The following CCDC6 variants were observed in gnomAD, a reference collection of about 807,000 sequenced individuals.
CCDC6 encodes the protein coiled-coil domain containing 6.
A neutral mutation model predicts 56.6 loss-of-function variants in CCDC6; 20 were observed. That is an observed-to-expected ratio of 0.35 (90% CI 0.25 to 0.51). CCDC6 has a LOEUF of 0.51. CCDC6 is among the 20% of genes least tolerant of loss of function. The pLI is 0.95. For missense variants in CCDC6, 367 were observed against 601.1 expected (o/e 0.61, Z 4.07); for synonymous variants, 241 against 234.4 (o/e 1.03, Z -0.26).
chr10:59,852,569 G>C lies in CCDC6; in HGVS notation c.437C>G (p.Ser146Cys). 1 of 1,582,754 alleles carries C rather than the reference G, an allele frequency of 6.3e-7. No homozygotes were observed. Among genetic ancestry groups the C allele is most frequent in the Non-Finnish European group, 8.5e-7 (1 of 1,170,580 alleles). ...KEEEFLTNEL[S>C]RKLMQLQHEK... Reference sequence around the variant, plus strand: ...ATAATTTACCTGCATCAATTTTCTGGAGAGCTCATTAGTGAGGAATTCTTC... The same window carrying C: ...ATAATTTACCTGCATCAATTTTCTGCAGAGCTCATTAGTGAGGAATTCTTC... The change falls in exon 2 of 9, where the codon TCC becomes TGC. Residue 146 changes from serine (S) to cysteine (C), a missense_variant. Coordinates refer to ENST00000263102, the MANE Select transcript of CCDC6 (RefSeq NM_005436.5).
chr10:59,881,665 A>T (rs2071336176), intron 1 of CCDC6, among the ~76,000 whole-genome samples: 2 of 152,246 alleles, frequency 1.3e-5, no homozygotes, highest in Admixed American at 6.5e-5. Flanking sequence ...GAAATTACAC[A>T]CATGCTGATC....
intron 1 of CCDC6, among the ~76,000 whole-genome samples, chr10:59,880,287 T>C (rs1197068973): frequency 6.6e-6 from 1 of 152,144 alleles, no homozygotes; most frequent in Non-Finnish European, 1.5e-5. Context: ...CAGGGGACTT[T>C]ACAGCCCTAT....
intron 1 of CCDC6, 141 bp downstream of exon 1, chr10:59,905,981 C>T: frequency 1.4e-6 from 1 of 722,484 alleles, no homozygotes; most frequent in Non-Finnish European, 2.2e-6. Context: ...CTCCCGGAAG[C>T]CAGCAGGTCC....
chr10:59,818,875 T>G (rs2070730224), intron 3 of CCDC6, among the ~76,000 whole-genome samples: 1 of 152,222 alleles, frequency 6.6e-6, no homozygotes, highest in South Asian at 2.1e-4. Flanking sequence ...TATGCAAGTA[T>G]TCAGCAAGCC....
intron 7 of CCDC6, among the ~76,000 whole-genome samples, chr10:59,795,220 G>T (rs944907629): frequency 1.3e-5 from 2 of 152,094 alleles, no homozygotes; most frequent in South Asian, 4.1e-4. Context: ...TACCTGGTAT[G>T]GGGTGAATAT....
At chr10:59,864,537 G>T (rs1339887894) in intron 1 of CCDC6, among the ~76,000 whole-genome samples, 1 of 152,138 alleles carries the variant, frequency 6.6e-6, no homozygotes, top group Non-Finnish European at 1.5e-5. Context: ...GTGTAGGAGG[G>T]CAAGATAGGA....
chr10:59,880,290 AGCCCTATAGTAACAAATGGTTTT>A (rs1307200996), intron 1 of CCDC6, among the ~76,000 whole-genome samples: 1 of 152,152 alleles, frequency 6.6e-6, no homozygotes, highest in African/African-American at 2.4e-5. Flanking sequence ...GGGACTTTAC[AGCCCTATAGTAACAAATGGTTTT>A]GCCCTATAGT....
chr10:59,844,739 C>A, intron 2 of CCDC6, among the ~76,000 whole-genome samples: 1 of 127,874 alleles, frequency 7.8e-6, no homozygotes, highest in African/African-American at 3.4e-5. Flanking sequence ...GCAACAGAGA[C>A]TATCTCCAAA....
chr10:59,860,768 C>T (rs1181839036), intron 1 of CCDC6, among the ~76,000 whole-genome samples: 1 of 152,142 alleles, frequency 6.6e-6, no homozygotes, highest in Non-Finnish European at 1.5e-5. Flanking sequence ...ATAAAAACTA[C>T]TGGGCGCGAT....
intron 3 of CCDC6, among the ~76,000 whole-genome samples, chr10:59,829,624 G>T (rs568443538): frequency 6.6e-6 from 1 of 152,142 alleles, no homozygotes; most frequent in Non-Finnish European, 1.5e-5. Flanking sequence ...CAACAGGGAT[G>T]AAAACATTAT....
intron 1 of CCDC6, among the ~76,000 whole-genome samples, chr10:59,859,035 G>C (rs1240189818): frequency 6.6e-6 from 1 of 152,050 alleles, no homozygotes; most frequent in South Asian, 2.1e-4. Context: ...ACTCCCTCTG[G>C]GTTAGTTGTG....
chr10:59,863,223 C>T (rs1392381224), intron 1 of CCDC6, among the ~76,000 whole-genome samples: 1 of 152,102 alleles, frequency 6.6e-6, no homozygotes, highest in Admixed American at 6.6e-5. Flanking sequence ...CAGGTAGATG[C>T]AATGGTATCA....
chr10:59,832,127 G>A (rs1041221631), intron 3 of CCDC6, among the ~76,000 whole-genome samples: 1 of 152,222 alleles, frequency 6.6e-6, no homozygotes, highest in Non-Finnish European at 1.5e-5. Context: ...AATCAAAGAG[G>A]AAAATGTTAA....
At chr10:59,891,864 A>G (rs761157956) in intron 1 of CCDC6, among the ~76,000 whole-genome samples, 1 of 152,200 alleles carries the variant, frequency 6.6e-6, no homozygotes, top group Non-Finnish European at 1.5e-5. Flanking sequence ...CCAAAATATT[A>G]ATAGTAGTTT....
chr10:59,893,886 G>A (rs567235240), intron 1 of CCDC6, among the ~76,000 whole-genome samples: 2 of 152,178 alleles, frequency 1.3e-5, no homozygotes, highest in Admixed American at 1.3e-4. Flanking sequence ...CCGTCCAACT[G>A]CTGTGTTCAA....
At chr10:59,842,233 G>C (rs2070946105) in intron 2 of CCDC6, among the ~76,000 whole-genome samples, 1 of 151,994 alleles carries the variant, frequency 6.6e-6, no homozygotes, top group Non-Finnish European at 1.5e-5. Context: ...TTTTAGTAGA[G>C]ATGGGGTTTT....
chr10:59,876,193 C>T (rs2071278738), intron 1 of CCDC6, among the ~76,000 whole-genome samples: 1 of 150,428 alleles, frequency 6.6e-6, no homozygotes, highest in African/African-American at 2.4e-5. Flanking sequence ...GTATTAAAGG[C>T]ATGCACTACC....
intron 1 of CCDC6, among the ~76,000 whole-genome samples, chr10:59,862,313 CGT>C (rs2071136381): frequency 6.6e-6 from 1 of 151,464 alleles, no homozygotes; most frequent in Non-Finnish European, 1.5e-5. Flanking sequence ...ATAGTGAAAC[CGT>C]GTCTCTGCTA....
chr10:59,808,622 C>T (rs534004733), intron 5 of CCDC6, among the ~76,000 whole-genome samples: 3 of 152,172 alleles, frequency 2.0e-5, no homozygotes, highest in East Asian at 1.9e-4. Flanking sequence ...GCCATGAGCA[C>T]GTCTAAGAGA....
Sources: allele counts gnomAD v4.1 joint callset (sites outside exome capture counted in the v4.1 genomes callset), GRCh38; gene constraint gnomAD v4.1.1; transcripts MANE v1.5; gene names NCBI Gene and HGNC (gene_info 2026-07-23, HGNC 2026-07-21).